NFIA: variants seen among roughly 807,000 people sequenced by gnomAD.
NFIA encodes nuclear factor 1 A-type.
In NFIA, 8 loss-of-function variants were observed where a neutral mutation model predicts 62.8. The observed-to-expected ratio is 0.13, with a 90% CI of 0.07 to 0.23. The LOEUF is 0.23. Among genes scored for constraint, NFIA ranks in the 10% least tolerant of loss-of-function variants. The pLI is 1.00. For synonymous variants in NFIA, 235 were observed against 238.1 expected (o/e 0.99, Z 0.12); for missense variants, 410 against 642.1 (o/e 0.64, Z 3.91).
At chr1:61,342,594 C>T (rs774537635) in intron 4 of NFIA, among the ~76,000 whole-genome samples, 10 of 152,216 alleles carry the variant, frequency 6.6e-5, no homozygotes, top group Non-Finnish European at 1.5e-4. Context: ...TGGCAGGGCC[C>T]TTCATCCAAT....
chr1:61,318,359 G>A (rs1660483376), intron 3 of NFIA, among the ~76,000 whole-genome samples: 1 of 152,118 alleles, frequency 6.6e-6, no homozygotes, highest in South Asian at 2.1e-4. Flanking sequence ...GTTGCAAGCT[G>A]ACACTTTGAG....
chr1:61,190,844 C>A (rs1651565437), intron 2 of NFIA, among the ~76,000 whole-genome samples: 1 of 152,148 alleles, frequency 6.6e-6, no homozygotes, highest in African/African-American at 2.4e-5. Context: ...TTCCTTTCTC[C>A]ATGGCAGTCT....
intron 2 of NFIA, among the ~76,000 whole-genome samples, chr1:61,162,705 T>G (rs1250708590): frequency 6.6e-6 from 1 of 152,166 alleles, no homozygotes; most frequent in African/African-American, 2.4e-5. Context: ...ACATTCTGAT[T>G]AGCCAGCAAG....
chr1:61,247,100 G>GC (rs1248769682), intron 2 of NFIA, among the ~76,000 whole-genome samples: 3 of 152,116 alleles, frequency 2.0e-5, no homozygotes, highest in Non-Finnish European at 4.4e-5. Flanking sequence ...CCAGCCATCT[G>GC]CCATGTACTT....
chr1:61,289,854 T>C (rs1376091436), intron 3 of NFIA, among the ~76,000 whole-genome samples: 1 of 152,128 alleles, frequency 6.6e-6, no homozygotes, highest in African/African-American at 2.4e-5. Flanking sequence ...ACTGTTTCTG[T>C]GTGGATTATA....
rs368598831 is a variant in NFIA at position 61,404,228 on chromosome 1, C to A, written c.1200C>A (p.Val400=). Residue 400 remains valine, a synonymous_variant, in exon 8 of 11, where the codon GTC becomes GTA. Coordinates refer to ENST00000403491, the MANE Select transcript of NFIA (RefSeq NM_001134673.4). ...CTCAGGAGACGCTGAAAGAATTTGT[C>A]CAACTTGTCTGCCCTGATGCTGGTC... ...YHPQETLKEF[V]QLVCPDAGQQ... 1.9e-6 allele frequency: 3 copies of A among 1,614,198 alleles called. No homozygotes were observed. The African/African-American group carries it at 4.0e-5, about 22-fold the overall frequency.
At chr1:61,118,964 A>C (rs1646840567) in intron 2 of NFIA, among the ~76,000 whole-genome samples, 1 of 152,106 alleles carries the variant, frequency 6.6e-6, no homozygotes, top group Admixed American at 6.5e-5. Flanking sequence ...CTAGGAAAAC[A>C]TCTCAGTAGT....
intron 2 of NFIA, among the ~76,000 whole-genome samples, chr1:61,272,837 G>A (rs540128908): frequency 4.1e-4 from 62 of 152,118 alleles, no homozygotes; most frequent in Admixed American, 9.8e-4. Context: ...TGGAATTTTC[G>A]CTTTATTTCT....
chr1:61,193,391 T>C (rs1651776358), intron 2 of NFIA, among the ~76,000 whole-genome samples: 1 of 152,212 alleles, frequency 6.6e-6, no homozygotes, highest in African/African-American at 2.4e-5. Flanking sequence ...AGAGGTGTCT[T>C]AGGTGAAGTG....
intron 10 of NFIA, among the ~76,000 whole-genome samples, chr1:61,432,751 A>C (rs577293637): frequency 1.3e-5 from 2 of 152,026 alleles, no homozygotes; most frequent in Non-Finnish European, 2.9e-5. Context: ...TTCAGTTTCA[A>C]GCCCTCACAG....
intron 2 of NFIA, among the ~76,000 whole-genome samples, chr1:61,273,298 A>G (rs1323694204): frequency 6.6e-6 from 1 of 152,116 alleles, no homozygotes; most frequent in East Asian, 1.9e-4. Flanking sequence ...AGGGCCTCCT[A>G]TGTGTCAGAT....
At chr1:61,347,484 T>G (rs530751271) in intron 4 of NFIA, among the ~76,000 whole-genome samples, 89 of 152,268 alleles carry the variant, frequency 5.8e-4, no homozygotes, top group South Asian at 1.7e-3. Context: ...ACTTTGCTTC[T>G]TATCTCCAAA....
At position 61,147,374 on chromosome 1, in the gene NFIA, C is replaced by T. The variant is rs369134855; in HGVS notation, c.559+58694C>T. Among the ~76,000 whole-genome samples the T allele has an allele frequency of 3.0e-4, 46 of 152,336 alleles. 1 individual carries two copies. The highest frequency in any genetic ancestry group is 1.1e-3 in the African/African-American group (45 of 41,574). On this transcript the variant is annotated intron_variant, in intron 2 of 10. Transcript: ENST00000403491. Reference sequence around the variant, plus strand: ...CCACGTTGGCCAGGTTGGTCTCAAACTCCTGACCTCAAGTGATCTGCCCGC... The same window carrying T: ...CCACGTTGGCCAGGTTGGTCTCAAATTCCTGACCTCAAGTGATCTGCCCGC...
At chr1:61,299,328 C>G (rs114255837) in intron 3 of NFIA, among the ~76,000 whole-genome samples, 67 of 152,226 alleles carry the variant, frequency 4.4e-4, no homozygotes, top group Admixed American at 1.0e-3. Flanking sequence ...TTTGAAGACT[C>G]AAGTGTTTGA....
chr1:61,216,627 A>G (rs915905827), intron 2 of NFIA, among the ~76,000 whole-genome samples: 2 of 152,158 alleles, frequency 1.3e-5, no homozygotes, highest in African/African-American at 2.4e-5. Flanking sequence ...ATAGATATCT[A>G]TACTCTCTCT....
At chr1:61,306,052 G>A (rs965262282) in intron 3 of NFIA, among the ~76,000 whole-genome samples, 58 of 151,290 alleles carry the variant, frequency 3.8e-4, no homozygotes, top group South Asian at 6.3e-4. Flanking sequence ...GAGTTTCACC[G>A]TGTTAGCCAG....
intron 2 of NFIA, among the ~76,000 whole-genome samples, chr1:61,142,005 C>G (rs1489165697): frequency 2.0e-5 from 3 of 151,886 alleles, no homozygotes; most frequent in Non-Finnish European, 4.4e-5. Context: ...TGCAGCTGGC[C>G]AAAGGTGCTA....
intron 4 of NFIA, among the ~76,000 whole-genome samples, chr1:61,348,587 C>G (rs1002754081): frequency 6.6e-6 from 1 of 152,182 alleles, no homozygotes; most frequent in Non-Finnish European, 1.5e-5. Context: ...TTTTTAACAT[C>G]TGGAAGGTGG....
chr1:61,405,980 A>G (rs1425832816), intron 8 of NFIA, among the ~76,000 whole-genome samples: 2 of 152,326 alleles, frequency 1.3e-5, no homozygotes, highest in Non-Finnish European at 2.9e-5. Flanking sequence ...GTTATACAAT[A>G]TGTGAACAAA....
Sources: allele counts gnomAD v4.1 joint callset (sites outside exome capture counted in the v4.1 genomes callset), GRCh38; gene constraint gnomAD v4.1.1; transcripts MANE v1.5; gene names NCBI Gene and HGNC (gene_info 2026-07-23, HGNC 2026-07-21).